The following ZBTB21 variants were observed in gnomAD, a reference collection of about 807,000 sequenced individuals.
The protein encoded by ZBTB21 is zinc finger and BTB domain containing 21.
A neutral mutation model predicts 39.8 loss-of-function variants in ZBTB21; 10 were observed. The ratio of observed to expected loss-of-function variants is 0.25; its 90% confidence interval spans 0.16 to 0.43. The LOEUF is 0.43. Ranked by LOEUF, ZBTB21 falls within the 20% of genes least tolerant of loss-of-function variation. The probability of loss-of-function intolerance (pLI) is 1.00; values close to 1 mark genes in which losing one functional copy is unlikely to be tolerated. For synonymous variants in ZBTB21, 551 were observed against 498.8 expected (o/e 1.10, Z -1.40); for missense variants, 1,221 against 1,296.3 (o/e 0.94, Z 0.89).
intron 1 of ZBTB21, 63 bp downstream of exon 1, chr21:42,010,189 A>G: frequency 2.5e-6 from 1 of 394,534 alleles, no homozygotes; most frequent in Non-Finnish European, 4.5e-6. Flanking sequence ...TTTTGCGGGG[A>G]GGCTGTAGCC....
intron 2 of ZBTB21, among the ~76,000 whole-genome samples, chr21:41,998,378 T>C (rs952818215): frequency 2.0e-5 from 3 of 151,880 alleles, no homozygotes; most frequent in African/African-American, 7.3e-5. Flanking sequence ...TTTTATATAG[T>C]TGGGGTTTCA....
intron 2 of ZBTB21, among the ~76,000 whole-genome samples, chr21:41,995,112 T>C (rs574802086): frequency 8.0e-4 from 121 of 152,160 alleles, no homozygotes; most frequent in Non-Finnish European, 1.5e-3. Flanking sequence ...AATGGACTAA[T>C]ACAGTAAATT....
chr21:41,996,544 C>T (rs769209707), intron 2 of ZBTB21, among the ~76,000 whole-genome samples: 22 of 152,202 alleles, frequency 1.4e-4, no homozygotes, highest in Non-Finnish European at 2.8e-4. Flanking sequence ...TTGTTTTTGA[C>T]TTTGCAGGCT....
rs1245900558 is a variant in ZBTB21, at chr21:41,993,796, A to C, written c.300T>G (p.Ala100=). Residue 100 remains alanine, a synonymous_variant, in exon 3 of 3, where the codon GCT becomes GCG. Transcript: ENST00000310826. ...GACTATAGCCAAGTTCTTGCACAGC[A>C]GCAAGGCTGCTCTTCTCAACAAATA... ...SSLFVEKSSL[A]AVQELGYSLG... is the part of the protein sequence containing the mutation. 6.2e-7 allele frequency: 1 copy of C among 1,614,266 alleles called. No individual in the cohort carries two copies. Among genetic ancestry groups the C allele is most frequent in the Non-Finnish European group, 8.5e-7 (1 of 1,180,044 alleles).
intron 1 of ZBTB21, 142 bp downstream of exon 1, chr21:42,010,110 G>A (rs969891406): frequency 7.7e-6 from 3 of 387,768 alleles, no homozygotes; most frequent in African/African-American, 2.1e-5. Flanking sequence ...AGCGCTCGGA[G>A]CCCGCAACCC....
Position 41,991,245 on chromosome 21 carries a change from G to A in ZBTB21, c.2851C>T (p.Arg951Ter). ...TGCGATTGGAAGTGACTCCAGAGTC[G>A]AAAATTAGTGCGAAAAGCTTTGTTG... ...VCNKAFRTNF[R>*]LWSHFQSHMS... The change falls in exon 3 of 3, where the codon CGA becomes TGA. Residue 951 changes from arginine (R) to a stop codon, truncating the protein, a stop_gained. Transcript: ENST00000310826. LOFTEE classifies it high-confidence loss of function. This position sits in a 1 kb window ranked among gnomAD's most constrained non-coding sequence, Gnocchi z 4.9. 3 of 1,614,170 alleles carry A rather than the reference G, an allele frequency of 1.9e-6. No individual in the cohort carries two copies. The highest frequency in any genetic ancestry group is 2.2e-5 in the South Asian group (2 of 91,080).
intron 1 of ZBTB21, among the ~76,000 whole-genome samples, chr21:42,004,308 G>A (rs1350055410): frequency 6.6e-6 from 1 of 152,178 alleles, no homozygotes; most frequent in South Asian, 2.1e-4. Context: ...GAGCCACCGC[G>A]CCCGGCCTCA....
At position 41,992,069 on chromosome 21, in the gene ZBTB21, C is replaced by G; in HGVS notation, c.2027G>C (p.Gly676Ala). ...TTGAGAGAGAAAGCGGTACGCTTTT[C>G]CGCAGTAAGTACAAATGTAAGCTCC... ...AKGAYICTYCGKAYRFLSQFK... is the reference protein window; with the variant it reads ...AKGAYICTYCAKAYRFLSQFK... The change falls in exon 3 of 3, where the codon GGA becomes GCA. Residue 676 changes from glycine to alanine, a missense_variant. Around this residue, in one of 4 missense-constraint regions of ZBTB21, gnomAD observed 523 missense variants for 542.5 expected, o/e 0.96. Coordinates refer to ENST00000310826, the MANE Select transcript of ZBTB21 (RefSeq NM_001098402.2). The surrounding 1 kb of genome is among the most constrained non-coding windows in gnomAD (Gnocchi z 4.1). 6.2e-7 allele frequency: 1 copy of G among 1,614,234 alleles called. No individual in the cohort carries two copies. Among genetic ancestry groups the G allele is most frequent in the Non-Finnish European group, 8.5e-7 (1 of 1,180,048 alleles).
At position 41,992,445 on chromosome 21, in the gene ZBTB21, A is replaced by T; in HGVS notation, c.1651T>A (p.Cys551Ser). ...GCTGTTGATCTAAAGATCTTAAGGCAATGTTTGCATTTAAATTTTTTGTTT... is the reference window on the plus strand; with the variant it reads ...GCTGTTGATCTAAAGATCTTAAGGCTATGTTTGCATTTAAATTTTTTGTTT... ...RPNKKFKCKH[C>S]LKIFRSTAGL... Residue 551 changes from cysteine (C) to serine (S), a missense_variant, in exon 3 of 3, where the codon TGC becomes AGC. Physicochemically the swap from Cys to Ser is moderately radical, Grantham distance 112. Around this residue, in one of 4 missense-constraint regions of ZBTB21, gnomAD observed 90 missense variants for 133.1 expected, o/e 0.68. Coordinates refer to ENST00000310826, the MANE Select transcript of ZBTB21 (RefSeq NM_001098402.2). This position sits in a 1 kb window ranked among gnomAD's most constrained non-coding sequence, Gnocchi z 4.1. The T allele has an allele frequency of 1.2e-6, 2 of 1,614,052 alleles. No homozygotes were observed. The highest frequency in any genetic ancestry group is 1.7e-6 in the Non-Finnish European group (2 of 1,180,002).
chr21:41,997,224 G>A (rs757850767), intron 2 of ZBTB21, among the ~76,000 whole-genome samples: 1 of 152,086 alleles, frequency 6.6e-6, no homozygotes, highest in Non-Finnish European at 1.5e-5. Context: ...GCCTGGCCAA[G>A]AGACCTTTAA....
rs887083391 is a variant in ZBTB21, at chr21:41,991,966, A to G, written c.2130T>C (p.Ala710=). ...VNKVAKPKEH[A]PLASPVENKE... is the part of the protein sequence containing the mutation. ...TGTTTTCTACTGGACTTGCAAGAGG[A>G]GCATGCTCTTTTGGTTTAGCAACTT... The change falls in exon 3 of 3, where the codon GCT becomes GCC. Residue 710 remains alanine (A), a synonymous_variant. Coordinates refer to ENST00000310826, the MANE Select transcript of ZBTB21 (RefSeq NM_001098402.2). This position sits in a 1 kb window ranked among gnomAD's most constrained non-coding sequence, Gnocchi z 4.9. The G allele has an allele frequency of 8.7e-6, 14 of 1,613,984 alleles. No individual in the cohort carries two copies. In the African/African-American group the frequency reaches 1.6e-4, roughly 18 times the overall value.
At chr21:42,010,013 G>C (rs780516036) in intron 1 of ZBTB21, among the ~76,000 whole-genome samples, 2 of 152,266 alleles carry the variant, frequency 1.3e-5, no homozygotes, top group Admixed American at 1.3e-4. Context: ...AGTGCTGGCA[G>C]GGAGCGTGCG....
intron 2 of ZBTB21, among the ~76,000 whole-genome samples, chr21:41,998,622 C>T (rs2065780774): frequency 6.6e-6 from 1 of 152,158 alleles, no homozygotes; most frequent in African/African-American, 2.4e-5. Flanking sequence ...TGTAGATGAA[C>T]CAAACTTGAC....
intron 1 of ZBTB21, among the ~76,000 whole-genome samples, chr21:42,006,838 T>G (rs1455597952): frequency 6.6e-6 from 1 of 152,080 alleles, no homozygotes; most frequent in East Asian, 1.9e-4. Flanking sequence ...GAGAGGAAGA[T>G]TAGCACAGAG....
At position 41,991,078 on chromosome 21, in the gene ZBTB21, G is replaced by A. The variant is rs1196611069; in HGVS notation, c.3018C>T (p.Gly1006=). The A allele has an allele frequency of 6.2e-7, 1 of 1,610,322 alleles. No homozygotes were observed. Among genetic ancestry groups the A allele is most frequent in the Non-Finnish European group, 8.5e-7 (1 of 1,178,240 alleles). ...TGGCTGGAGTTGGGTTTTCGGACAGGCCTGTGGGGCTGTCAGGCTCCAGAG... is the reference window on the plus strand; with the variant it reads ...TGGCTGGAGTTGGGTTTTCGGACAGACCTGTGGGGCTGTCAGGCTCCAGAG... The part of the protein sequence containing the change: ...IQPLEPDSPT[G]LSENPTPATE... Residue 1006 remains glycine, a synonymous_variant, in exon 3 of 3, where the codon GGC becomes GGT. Transcript: ENST00000310826. This position sits in a 1 kb window ranked among gnomAD's most constrained non-coding sequence, Gnocchi z 4.9.
Position 41,993,536 on chromosome 21 carries a change from T to C in ZBTB21, c.560A>G (p.Asn187Ser), listed in dbSNP as rs760685749. 3.7e-6 allele frequency: 6 copies of C among 1,614,204 alleles called. No individual in the cohort carries two copies. Among genetic ancestry groups the C allele is most frequent in the South Asian group, 3.3e-5 (3 of 91,078 alleles). Residue 187 changes from asparagine (N) to serine (S), a missense_variant, in exon 3 of 3, where the codon AAT (asparagine) becomes AGT (serine). Physicochemically the swap from Asn to Ser is conservative, Grantham distance 46 (BLOSUM62 1). Transcript: ENST00000310826. ...SPSIAVKANT[N>S]KPHVPKPIEP... is the part of the protein sequence containing the mutation. ...TATTGGTTTTGGGACATGTGGCTTA[T>C]TGGTATTGGCCTTGACTGCAATGCT...
Position 41,987,492 on chromosome 21 carries a change from G to C in ZBTB21, c.*3403C>G, listed in dbSNP as rs1397333145. 6.6e-6 allele frequency: 1 copy of C among 152,140 alleles called. No individual in the cohort carries two copies. Among genetic ancestry groups the C allele is most frequent in the Non-Finnish European group, 1.5e-5 (1 of 68,012 alleles). The allele number at this position is 152,140 out of a possible 1,614,324, so 9.4% of individuals were successfully genotyped here. On this transcript the variant is annotated 3_prime_UTR_variant, in exon 3 of 3. Coordinates refer to ENST00000310826, the MANE Select transcript of ZBTB21 (RefSeq NM_001098402.2). ...TTAAAGTTTAGTAGTCAGTGTTAAA[G>C]AACACTTTTAAAGAGTACGTGTCAG...
At chr21:42,004,037 T>C (rs1347462874) in intron 1 of ZBTB21, among the ~76,000 whole-genome samples, 1 of 150,130 alleles carries the variant, frequency 6.7e-6, no homozygotes, top group Non-Finnish European at 1.5e-5. Flanking sequence ...TCTCACTCTG[T>C]CACCCAGGCT....
At chr21:42,001,718 T>C (rs970804295) in intron 2 of ZBTB21, among the ~76,000 whole-genome samples, 3 of 152,240 alleles carry the variant, frequency 2.0e-5, no homozygotes, top group Admixed American at 2.0e-4. Flanking sequence ...AGCTATAATT[T>C]GGGTGCTTAT....
Sources: gnomAD v4.1 joint callset for allele counts (sites outside exome capture counted in the v4.1 genomes callset) on GRCh38, gnomAD v4.1.1 for gene constraint, gnomAD v4.1.1 regional missense constraint, Gnocchi (gnomAD v3.1) non-coding constraint, MANE v1.5 for transcripts, NCBI Gene and HGNC (gene_info 2026-07-23, HGNC 2026-07-21) for gene names.